Variants in SKAP1 observed in about 807,000 individuals in gnomAD.
The protein encoded by SKAP1 is src kinase-associated phosphoprotein 1.
Under a neutral mutation model 58.5 loss-of-function variants are expected in SKAP1, and 44 were observed. That is an observed-to-expected ratio of 0.75 (90% confidence interval 0.59 to 0.97). The LOEUF (loss-of-function observed/expected upper bound fraction) is 0.97, where lower values mean the gene tolerates loss of function less well. Among genes scored for constraint, SKAP1 ranks in the 50% least tolerant of loss-of-function variants. The pLI is 0.00. For synonymous variants in SKAP1, 127 were observed against 149.7 expected (o/e 0.85, Z 1.11); for missense variants, 390 against 435.2 (o/e 0.90, Z 0.92).
At chr17:48,386,306 C>CTTTTTT (rs201047932) in intron 2 of SKAP1, among the ~76,000 whole-genome samples, 3 of 127,330 alleles carry the variant, frequency 2.4e-5, no homozygotes, top group Admixed American at 8.2e-5. Flanking sequence ...CATGCTAGAC[C>CTTTTTT]TTTTTTTTTT....
chr17:48,317,607 G>T (rs552873969), intron 4 of SKAP1, among the ~76,000 whole-genome samples: 1 of 152,240 alleles, frequency 6.6e-6, no homozygotes, highest in African/African-American at 2.4e-5. Flanking sequence ...AATAAAACTT[G>T]AAAACAAATG....
At chr17:48,351,695 C>G (rs1167610776) in intron 3 of SKAP1, among the ~76,000 whole-genome samples, 1 of 152,066 alleles carries the variant, frequency 6.6e-6, no homozygotes, top group Non-Finnish European at 1.5e-5. Context: ...TTACTGTTTG[C>G]TAATTATGTA....
At chr17:48,402,769 A>G (rs1050968450) in intron 1 of SKAP1, among the ~76,000 whole-genome samples, 2 of 152,246 alleles carry the variant, frequency 1.3e-5, no homozygotes, top group Non-Finnish European at 2.9e-5. Context: ...GTGCTACAAC[A>G]TGGATGAATC....
chr17:48,318,702 C>CA (rs893082973), intron 4 of SKAP1, among the ~76,000 whole-genome samples: 9 of 151,702 alleles, frequency 5.9e-5, no homozygotes, highest in South Asian at 2.1e-4. Context: ...TTCATTTCTA[C>CA]AAAAAAAATT....
rs542562604 is a variant in SKAP1 at position 48,214,708 on chromosome 17, G to A, written c.281-25208C>T. ...AGGCTGAGGCAGGCAGATCACTGGAGGTCAGGAGTTCGAGACCAGCCTGGC... is the reference window on the plus strand; with the variant it reads ...AGGCTGAGGCAGGCAGATCACTGGAAGTCAGGAGTTCGAGACCAGCCTGGC... On this transcript the variant is annotated intron_variant, in intron 4 of 12. Coordinates refer to ENST00000336915, the MANE Select transcript of SKAP1 (RefSeq NM_003726.4). Among the ~76,000 whole-genome samples, 144 of 151,182 alleles carry A rather than the reference G, an allele frequency of 9.5e-4. 1 individual carries two copies. The highest frequency in any genetic ancestry group is 2.8e-3 in the African/African-American group (114 of 41,260).
chr17:48,267,885 T>C (rs923413643), intron 4 of SKAP1, among the ~76,000 whole-genome samples: 5 of 152,212 alleles, frequency 3.3e-5, no homozygotes, highest in African/African-American at 4.8e-5. Flanking sequence ...CCATTTCTCA[T>C]GTGATTATAC....
chr17:48,337,776 G>A (rs913979678), intron 4 of SKAP1, among the ~76,000 whole-genome samples: 1 of 152,138 alleles, frequency 6.6e-6, no homozygotes, highest in Non-Finnish European at 1.5e-5. Context: ...TGAAGAACTT[G>A]ACTGAAACTT....
At chr17:48,288,235 G>C (rs1357197379) in intron 4 of SKAP1, among the ~76,000 whole-genome samples, 1 of 152,176 alleles carries the variant, frequency 6.6e-6, no homozygotes, top group Non-Finnish European at 1.5e-5. Flanking sequence ...CATACAGTGA[G>C]TTATGAAAGT....
intron 4 of SKAP1, among the ~76,000 whole-genome samples, chr17:48,210,203 A>G (rs950019608): frequency 6.6e-5 from 10 of 152,284 alleles, no homozygotes; most frequent in African/African-American, 2.4e-4. Flanking sequence ...TGTGGCTGGC[A>G]CTGTTATACG....
At chr17:48,342,433 CTT>C (rs1598592226) in intron 4 of SKAP1, among the ~76,000 whole-genome samples, 1 of 151,860 alleles carries the variant, frequency 6.6e-6, no homozygotes, top group Non-Finnish European at 1.5e-5. Flanking sequence ...TTCTAGCACT[CTT>C]TGTAGTTTTC....
At chr17:48,360,583 A>G (rs2144386934) in intron 3 of SKAP1, among the ~76,000 whole-genome samples, 1 of 152,336 alleles carries the variant, frequency 6.6e-6, no homozygotes, top group East Asian at 1.9e-4. Flanking sequence ...ATGAATTATT[A>G]AAGCAATATT....
intron 4 of SKAP1, among the ~76,000 whole-genome samples, chr17:48,266,425 C>T (rs1351641915): frequency 1.3e-5 from 2 of 151,948 alleles, no homozygotes; most frequent in South Asian, 2.1e-4. Flanking sequence ...CTATTGAAAC[C>T]GTTAGTTCAA....
At chr17:48,274,372 G>A (rs1315877384) in intron 4 of SKAP1, among the ~76,000 whole-genome samples, 1 of 151,626 alleles carries the variant, frequency 6.6e-6, no homozygotes, top group Non-Finnish European at 1.5e-5. Flanking sequence ...CTCCAGTCTG[G>A]GTTACAGAGT....
intron 2 of SKAP1, among the ~76,000 whole-genome samples, chr17:48,367,951 A>G (rs1237442851): frequency 6.6e-6 from 1 of 151,698 alleles, no homozygotes; most frequent in East Asian, 1.9e-4. Context: ...AATAAAAATT[A>G]TATGTAGAAT....
At chr17:48,425,799 A>G (rs1481894372) in intron 1 of SKAP1, among the ~76,000 whole-genome samples, 1 of 152,224 alleles carries the variant, frequency 6.6e-6, no homozygotes, top group African/African-American at 2.4e-5. Context: ...TAACAGCAAG[A>G]AAAAAATAAT....
chr17:48,252,920 G>A (rs1024599404), intron 4 of SKAP1, among the ~76,000 whole-genome samples: 5 of 152,056 alleles, frequency 3.3e-5, no homozygotes, highest in Non-Finnish European at 5.9e-5. Context: ...AACTTCTCTC[G>A]GGTTTAATGG....
chr17:48,143,558 C>T (rs920833688), intron 11 of SKAP1, among the ~76,000 whole-genome samples: 1 of 152,130 alleles, frequency 6.6e-6, no homozygotes, highest in Non-Finnish European at 1.5e-5. Flanking sequence ...CATTTTCCGA[C>T]ACTGAAATTA....
chr17:48,188,062 A>C, intron 5 of SKAP1, 136 bp from the exon 6 acceptor site: 1 of 640,838 alleles, frequency 1.6e-6, no homozygotes, highest in Non-Finnish European at 2.7e-6. Context: ...CCTCCTTTTC[A>C]CTCCCACAGG....
At chr17:48,382,724 A>G (rs1315913890) in intron 2 of SKAP1, 1 of 152,214 alleles carries the variant, frequency 6.6e-6, no homozygotes, top group East Asian at 1.9e-4. Context: ...GGTTCAAAAA[A>G]CCACTTCACT....
Sources: gnomAD v4.1 joint callset for allele counts (sites outside exome capture counted in the v4.1 genomes callset) on GRCh38, gnomAD v4.1.1 for gene constraint, MANE v1.5 for transcripts, NCBI Gene and HGNC (gene_info 2026-07-23, HGNC 2026-07-21) for gene names.